FRYL: variants seen among roughly 807,000 people sequenced by gnomAD.
FRYL encodes FRY like transcription coactivator.
Under a neutral mutation model 351.2 loss-of-function variants are expected in FRYL, and 150 were observed. The observed-to-expected ratio is 0.43, with a 90% CI of 0.37 to 0.49. The LOEUF is 0.49. Among genes scored for constraint, FRYL ranks in the 20% least tolerant of loss-of-function variants. The probability of loss-of-function intolerance (pLI) is 0.00; values close to 1 mark genes in which losing one functional copy is unlikely to be tolerated. For missense variants in FRYL, 3,036 were observed against 3,619.3 expected (o/e 0.84, Z 4.13); for synonymous variants, 1,153 against 1,257.1 (o/e 0.92, Z 1.75).
At chr4:48,760,545 T>G (rs1774297467) in intron 1 of FRYL, among the ~76,000 whole-genome samples, 2 of 152,248 alleles carry the variant, frequency 1.3e-5, no homozygotes. Flanking sequence ...TTGTTTGTTT[T>G]GTTTTTTCCT....
chr4:48,741,555 T>G (rs1266342693), intron 1 of FRYL, among the ~76,000 whole-genome samples: 1 of 151,556 alleles, frequency 6.6e-6, no homozygotes, highest in Non-Finnish European at 1.5e-5. Context: ...AAAGAAAAAT[T>G]AGCCAGGCAT....
intron 4 of FRYL, among the ~76,000 whole-genome samples, chr4:48,629,282 T>C (rs1336422444): frequency 1.3e-5 from 2 of 152,122 alleles, no homozygotes; most frequent in African/African-American, 4.8e-5. Context: ...GTTGAACACT[T>C]GTATAGCCAA....
chr4:48,500,861 G>A (rs1465008231), intron 62 of FRYL, among the ~76,000 whole-genome samples: 1 of 152,074 alleles, frequency 6.6e-6, no homozygotes, highest in Non-Finnish European at 1.5e-5. Flanking sequence ...AAGGCAGTGG[G>A]TCACCTGAGG....
intron 58 of FRYL, 107 bp from the exon 59 acceptor site, chr4:48,510,264 G>C (rs1374180524): frequency 1.2e-6 from 1 of 801,390 alleles, no homozygotes; most frequent in Non-Finnish European, 2.1e-6. Context: ...GTTGGTTTTT[G>C]GATATTCTCT....
At chr4:48,523,950 AT>A (rs762645413) in intron 53 of FRYL, among the ~76,000 whole-genome samples, 3 of 152,192 alleles carry the variant, frequency 2.0e-5, no homozygotes, top group Non-Finnish European at 4.4e-5. Flanking sequence ...ACTGTTGCCA[AT>A]TTTAAAAGGT....
At chr4:48,507,530 A>T (rs1721411168) in intron 59 of FRYL, among the ~76,000 whole-genome samples, 2 of 30,794 alleles carry the variant, frequency 6.5e-5, no homozygotes, top group African/African-American at 2.3e-4. Flanking sequence ...ACTCACTCAA[A>T]CAAACAGTTA....
rs1742871538 is a variant in FRYL, at chr4:48,589,795, C to A, written c.1590G>T (p.Met530Ile). Residue 530 changes from methionine to isoleucine, a missense_variant, in exon 18 of 64, where the codon ATG (methionine) becomes ATT (isoleucine). This residue lies in a region of FRYL where 78 missense variants were observed against 106.6 expected (regional missense o/e 0.73). Transcript: ENST00000358350. The stretch of plus-strand genomic sequence containing the variant: ...TAGACATCTGCACACTGGTCATACA[C>A]ATTGGTCTCCCAACTTCTTTGTCCA... ...RHLDKEVGRP[M>I]CMTSVQMSNK... The A allele has an allele frequency of 6.2e-7, 1 of 1,613,692 alleles. No homozygotes were observed. Among genetic ancestry groups the A allele is most frequent in the Non-Finnish European group, 8.5e-7 (1 of 1,179,734 alleles).
chr4:48,595,775 A>G lies in FRYL; in HGVS notation c.1140-77T>C, dbSNP rs542739310. The stretch of plus-strand genomic sequence containing the variant: ...TAGCAAAAAATTCTTCCTATTCTTC[A>G]TAATATATTGACAGAATTCATATTC... On this transcript the variant is annotated intron_variant, in intron 14 of 63. Coordinates refer to ENST00000358350, the MANE Select transcript of FRYL (RefSeq NM_015030.2). The G allele has an allele frequency of 9.6e-5, 107 of 1,114,734 alleles. No homozygotes were observed. The African/African-American group carries it at 1.5e-3, about 16-fold the overall frequency. 69.1% of individuals were successfully genotyped at this position (1,114,734 alleles called of 1,614,324 possible).
intron 23 of FRYL, 36 bp downstream of exon 23, chr4:48,578,937 A>G (rs754701593): frequency 1.3e-6 from 2 of 1,527,120 alleles, no homozygotes; most frequent in African/African-American, 2.8e-5. Flanking sequence ...CTGACAGTCT[A>G]TACATTTTTA....
intron 3 of FRYL, chr4:48,637,544 T>C (rs1227067185): frequency 4.0e-5 from 6 of 151,566 alleles, no homozygotes; most frequent in Non-Finnish European, 8.8e-5. Flanking sequence ...GACATAACTG[T>C]TAATATAATT....
chr4:48,627,795 A>C (rs1752124155), intron 4 of FRYL, among the ~76,000 whole-genome samples: 1 of 152,130 alleles, frequency 6.6e-6, no homozygotes, highest in African/African-American at 2.4e-5. Flanking sequence ...AAGTTTTTTT[A>C]TATAAAAAAA....
chr4:48,760,960 G>C (rs1185339683), intron 1 of FRYL, among the ~76,000 whole-genome samples: 1 of 151,738 alleles, frequency 6.6e-6, no homozygotes, highest in African/African-American at 2.4e-5. Context: ...TTACAGGCAT[G>C]AGCCACCGCC....
In FRYL at chr4:48,581,650, A is replaced by G. The variant is rs769217209; in HGVS notation, c.1987-45T>C. The G allele has an allele frequency of 5.0e-5, 74 of 1,483,432 alleles. No individual in the cohort carries two copies. In the South Asian group the frequency reaches 8.4e-4, roughly 17 times the overall value. 91.9% of individuals were successfully genotyped at this position (1,483,432 alleles called of 1,614,324 possible). ...AAACAAAATATAAAAATATATGCAC[A>G]GACATTTCCGAAAAACAGTTAATAA... On this transcript the variant is annotated intron_variant, in intron 20 of 63. Transcript: ENST00000358350.
At chr4:48,625,482 AAAT>A (rs1447332159) in intron 4 of FRYL, among the ~76,000 whole-genome samples, 4 of 152,182 alleles carry the variant, frequency 2.6e-5, no homozygotes, top group Non-Finnish European at 4.4e-5. Flanking sequence ...GTAAAAAATA[AAAT>A]AAAACTGCAT....
chr4:48,505,710 A>G, intron 59 of FRYL, 95 bp from the exon 60 acceptor site: 1 of 751,798 alleles, frequency 1.3e-6, no homozygotes, highest in Non-Finnish European at 2.3e-6. Flanking sequence ...GTTAACTTGA[A>G]GTTCTAGGAT....
At chr4:48,682,126 A>T (rs1341222025) in intron 3 of FRYL, among the ~76,000 whole-genome samples, 1 of 152,246 alleles carries the variant, frequency 6.6e-6, no homozygotes, top group Admixed American at 6.5e-5. Context: ...ATAATAATTT[A>T]AAAAATCTGA....
At chr4:48,720,547 C>T (rs1327826044) in intron 1 of FRYL, among the ~76,000 whole-genome samples, 1 of 151,886 alleles carries the variant, frequency 6.6e-6, no homozygotes, top group African/African-American at 2.4e-5. Flanking sequence ...AAAAGGTGTA[C>T]ATTAAATACA....
At chr4:48,702,253 C>T (rs1401738934) in intron 2 of FRYL, among the ~76,000 whole-genome samples, 6 of 149,652 alleles carry the variant, frequency 4.0e-5, no homozygotes, top group Non-Finnish European at 8.9e-5. Flanking sequence ...GTCAGGAGTT[C>T]GAGACCAGCC....
intron 3 of FRYL, among the ~76,000 whole-genome samples, chr4:48,658,975 C>T (rs535536426): frequency 6.6e-6 from 1 of 152,302 alleles, no homozygotes; most frequent in East Asian, 1.9e-4. Flanking sequence ...ATACTTACTT[C>T]TTTCTTCTAT....
Sources: gnomAD v4.1 joint callset for allele counts (sites outside exome capture counted in the v4.1 genomes callset) on GRCh38, gnomAD v4.1.1 for gene constraint, gnomAD v4.1.1 regional missense constraint, MANE v1.5 for transcripts, NCBI Gene and HGNC (gene_info 2026-07-23, HGNC 2026-07-21) for gene names.